The following OR6N1 variants were observed in gnomAD, a reference collection of about 807,000 sequenced individuals.
The protein encoded by OR6N1 is olfactory receptor 6N1.
For synonymous variants in OR6N1, 170 were observed against 150.7 expected (o/e 1.13, Z -0.94); for missense variants, 394 against 371.7 (o/e 1.06, Z -0.49).
At chr1:158,786,411 T>C in the OR6N1 span, among the ~76,000 whole-genome samples, 1 of 152,198 alleles carries the variant, frequency 6.6e-6, no homozygotes, top group East Asian at 1.9e-4. Context: ...TGTAAAGTAG[T>C]ACAACCACTA....
chr1:158,832,360 T>C, the OR6N1 span, among the ~76,000 whole-genome samples: 4 of 151,930 alleles, frequency 2.6e-5, no homozygotes, highest in Non-Finnish European at 5.9e-5. Context: ...TTGTTAATTA[T>C]GTTTGAAAAA....
the OR6N1 span, among the ~76,000 whole-genome samples, chr1:158,832,802 G>T: frequency 6.6e-6 from 1 of 151,742 alleles, no homozygotes; most frequent in African/African-American, 2.4e-5. Context: ...TGCTTTATTT[G>T]TACTTTGTCA....
At chr1:158,835,173 A>G in the OR6N1 span, among the ~76,000 whole-genome samples, 1 of 152,186 alleles carries the variant, frequency 6.6e-6, no homozygotes. Flanking sequence ...TTTGCATTAC[A>G]GATTACATTG....
the OR6N1 span, among the ~76,000 whole-genome samples, chr1:158,784,567 T>G: frequency 2.6e-5 from 4 of 152,186 alleles, no homozygotes; most frequent in Non-Finnish European, 5.9e-5. Flanking sequence ...ACTTCCCATC[T>G]TTCACCCTCC....
the OR6N1 span, among the ~76,000 whole-genome samples, chr1:158,820,868 T>C: frequency 1.8e-4 from 27 of 152,230 alleles, no homozygotes; most frequent in African/African-American, 6.5e-4. Flanking sequence ...CAGCTAGAGA[T>C]AATAAAATGT....
the OR6N1 span, among the ~76,000 whole-genome samples, chr1:158,821,618 A>C: frequency 2.0e-5 from 3 of 152,014 alleles, no homozygotes; most frequent in African/African-American, 7.2e-5. Context: ...TTAATGTCTC[A>C]TTTCTTCTAG....
the OR6N1 span, among the ~76,000 whole-genome samples, chr1:158,821,159 G>T: frequency 6.6e-6 from 1 of 152,126 alleles, no homozygotes; most frequent in South Asian, 2.1e-4. Context: ...AATATACTTT[G>T]TTTTTCAGAG....
At chr1:158,796,452 C>G in the OR6N1 span, among the ~76,000 whole-genome samples, 1 of 152,064 alleles carries the variant, frequency 6.6e-6, no homozygotes, top group African/African-American at 2.4e-5. Flanking sequence ...TTTCCAACAC[C>G]CTGTCATTGA....
rs981654653 is a variant in OR6N1, at chr1:158,764,475, C to T, written c.*1269G>A. ...TTGTTCATTGCTTTTGTAGAGTTGA[C>T]ACTGCATCTGATATATAGTAAGAGC... On this transcript the variant is annotated 3_prime_UTR_variant, in exon 2 of 2. Transcript: ENST00000641846. The T allele has an allele frequency of 6.6e-6, 1 of 151,938 alleles. No homozygotes were observed. Among genetic ancestry groups the T allele is most frequent in the Non-Finnish European group, 1.5e-5 (1 of 67,938 alleles). The allele number at this position is 151,938 out of a possible 1,614,324, so 9.4% of individuals were successfully genotyped here.
At chr1:158,787,742 A>G in the OR6N1 span, among the ~76,000 whole-genome samples, 4 of 151,756 alleles carry the variant, frequency 2.6e-5, no homozygotes, top group Non-Finnish European at 1.5e-5. Flanking sequence ...GAATTCTCTC[A>G]TTTGACCTGA....
the OR6N1 span, among the ~76,000 whole-genome samples, chr1:158,810,168 A>G: frequency 3.3e-5 from 5 of 152,138 alleles, no homozygotes; most frequent in African/African-American, 1.2e-4. Context: ...GAAAATGGTT[A>G]TGGGTTTTGA....
the OR6N1 span, among the ~76,000 whole-genome samples, chr1:158,836,128 C>T: frequency 1.4e-5 from 2 of 141,806 alleles, no homozygotes; most frequent in African/African-American, 5.1e-5. Context: ...TAATTATGTT[C>T]GCTAGCATTT....
chr1:158,789,954 AGTTTTGTCATTTG>A, the OR6N1 span, among the ~76,000 whole-genome samples: 5 of 152,190 alleles, frequency 3.3e-5, no homozygotes, highest in Non-Finnish European at 7.4e-5. Flanking sequence ...TTCTTCTGAT[AGTTTTGTCATTTG>A]AAGTCTTAGA....
intron 1 of OR6N1, among the ~76,000 whole-genome samples, chr1:158,771,814 A>C (rs956993535): frequency 3.3e-5 from 5 of 152,218 alleles, no homozygotes; most frequent in African/African-American, 1.2e-4. Flanking sequence ...AATATAGCCA[A>C]TTTACTAATT....
At chr1:158,812,161 G>T in the OR6N1 span, among the ~76,000 whole-genome samples, 1 of 152,162 alleles carries the variant, frequency 6.6e-6, no homozygotes, top group Non-Finnish European at 1.5e-5. Context: ...CTTCCCCTGT[G>T]CTTTGTAGTG....
chr1:158,799,924 C>T, the OR6N1 span, among the ~76,000 whole-genome samples: 2 of 151,988 alleles, frequency 1.3e-5, no homozygotes, highest in South Asian at 2.1e-4. Context: ...TCTGCTTTCC[C>T]GCCTACATGT....
At chr1:158,766,970 CTT>C (rs1420996805) in intron 1 of OR6N1, among the ~76,000 whole-genome samples, 1 of 152,090 alleles carries the variant, frequency 6.6e-6, no homozygotes, top group Non-Finnish European at 1.5e-5. Flanking sequence ...ACCCAGTTGA[CTT>C]TCTCAATAGA....
chr1:158,806,257 G>A, the OR6N1 span, among the ~76,000 whole-genome samples: 3 of 152,150 alleles, frequency 2.0e-5, no homozygotes, highest in South Asian at 6.2e-4. Flanking sequence ...CTTCTTGAAA[G>A]CAGGGACTAC....
the OR6N1 span, among the ~76,000 whole-genome samples, chr1:158,798,560 T>C: frequency 2.6e-5 from 4 of 151,948 alleles, no homozygotes; most frequent in South Asian, 8.3e-4. Context: ...TTTATTTATA[T>C]CACTAGTAGA....
Sources: gnomAD v4.1 joint callset for allele counts (sites outside exome capture counted in the v4.1 genomes callset) on GRCh38, gnomAD v4.1.1 for gene constraint, MANE v1.5 for transcripts, NCBI Gene and HGNC (gene_info 2026-07-23, HGNC 2026-07-21) for gene names.